Variants in C8orf34 observed in about 807,000 individuals in gnomAD.
C8orf34 encodes the protein chromosome 8 open reading frame 34.
C8orf34 carries 65 observed loss-of-function variants against 68.3 expected under a neutral mutation model. The observed-to-expected ratio is 0.95, with a 90% confidence interval of 0.78 to 1.17. The LOEUF (loss-of-function observed/expected upper bound fraction) is 1.17, where lower values mean the gene tolerates loss of function less well. C8orf34 is among the 50% of genes most tolerant of loss of function. The probability of loss-of-function intolerance (pLI) is 0.00; values close to 1 mark genes in which losing one functional copy is unlikely to be tolerated. For synonymous variants in C8orf34, 244 were observed against 241.2 expected (o/e 1.01, Z -0.11); for missense variants, 664 against 655.4 (o/e 1.01, Z -0.14).
intron 1 of C8orf34, among the ~76,000 whole-genome samples, chr8:68,400,783 T>C (rs1334566200): frequency 6.6e-6 from 1 of 152,170 alleles, no homozygotes; most frequent in African/African-American, 2.4e-5. Flanking sequence ...CCTTGCAACA[T>C]AATTTGAAGT....
intron 12 of C8orf34, among the ~76,000 whole-genome samples, chr8:68,796,421 A>G (rs1460650452): frequency 6.6e-6 from 1 of 152,186 alleles, no homozygotes; most frequent in Non-Finnish European, 1.5e-5. Context: ...GAGGAATGGA[A>G]GTATGATATT....
chr8:68,484,681 A>G (rs1287119462), intron 4 of C8orf34, among the ~76,000 whole-genome samples: 1 of 152,184 alleles, frequency 6.6e-6, no homozygotes, highest in Admixed American at 6.5e-5. Flanking sequence ...ACACTGGGAG[A>G]GATATCCTGG....
At chr8:68,571,478 A>T (rs1816756688) in intron 7 of C8orf34, among the ~76,000 whole-genome samples, 2 of 152,174 alleles carry the variant, frequency 1.3e-5, no homozygotes, top group Admixed American at 1.3e-4. Flanking sequence ...CATTCCTTTC[A>T]TCCAAAAATA....
rs113971584 is a variant in C8orf34 at position 68,376,610 on chromosome 8, C to CTTT, written c.327+45281_327+45283dup. ...CTTTTATGTTCTGTGCATCTTTCTC[C>CTTT]TTTTTTTTTTTTAAATCATTTTACT... On this transcript the variant is annotated intron_variant, in intron 1 of 13. Transcript: ENST00000518698. Among the ~76,000 whole-genome samples the CTTT allele has an allele frequency of 6.0e-4, 88 of 145,566 alleles. 1 individual carries two copies. The highest frequency in any genetic ancestry group is 2.2e-3 in the African/African-American group (87 of 39,936).
chr8:68,562,423 G>A (rs139868136), intron 7 of C8orf34, among the ~76,000 whole-genome samples: 1 of 152,270 alleles, frequency 6.6e-6, no homozygotes, highest in East Asian at 1.9e-4. Context: ...TCAGCATTGA[G>A]CAAATCATTT....
intron 7 of C8orf34, among the ~76,000 whole-genome samples, chr8:68,545,172 C>T (rs1048130805): frequency 6.6e-6 from 1 of 152,018 alleles, no homozygotes; most frequent in Non-Finnish European, 1.5e-5. Context: ...TAATTGAATC[C>T]TGGGGGCGGT....
At chr8:68,724,041 A>G (rs1821757267) in intron 10 of C8orf34, among the ~76,000 whole-genome samples, 1 of 152,208 alleles carries the variant, frequency 6.6e-6, no homozygotes, top group Non-Finnish European at 1.5e-5. Context: ...GTGGAATAAA[A>G]CAATACATGA....
At chr8:68,546,052 A>G (rs1025560882) in intron 7 of C8orf34, among the ~76,000 whole-genome samples, 9 of 152,074 alleles carry the variant, frequency 5.9e-5, no homozygotes, top group African/African-American at 2.2e-4. Context: ...TTTAATTCCA[A>G]GAGCAGTCAC....
chr8:68,362,385 G>C (rs2129619413), intron 1 of C8orf34, among the ~76,000 whole-genome samples: 1 of 152,254 alleles, frequency 6.6e-6, no homozygotes, highest in African/African-American at 2.4e-5. Context: ...AATGAAAAAA[G>C]TACATCGATT....
At chr8:68,673,820 C>A (rs777303574) in intron 8 of C8orf34, among the ~76,000 whole-genome samples, 4 of 152,152 alleles carry the variant, frequency 2.6e-5, no homozygotes, top group Non-Finnish European at 4.4e-5. Context: ...AACCCTGGGC[C>A]TTGGGCAAGA....
chr8:68,387,570 T>C (rs1285500899), intron 1 of C8orf34, among the ~76,000 whole-genome samples: 1 of 152,096 alleles, frequency 6.6e-6, no homozygotes. Flanking sequence ...GAGAGGATGA[T>C]AGAGTCATGA....
intron 9 of C8orf34, among the ~76,000 whole-genome samples, chr8:68,719,947 G>A (rs1393983837): frequency 6.6e-6 from 1 of 151,806 alleles, no homozygotes; most frequent in African/African-American, 2.4e-5. Context: ...CAGTTTTGGA[G>A]GACTTAAATT....
At chr8:68,816,373 G>C (rs1020614491) in intron 13 of C8orf34, among the ~76,000 whole-genome samples, 9 of 152,046 alleles carry the variant, frequency 5.9e-5, no homozygotes, top group African/African-American at 2.2e-4. Context: ...ACAATTTCGT[G>C]TCCATGAATA....
Position 68,373,452 on chromosome 8 carries a change from T to G in C8orf34, c.327+42113T>G, listed in dbSNP as rs141299004. 2.1e-3 allele frequency among the ~76,000 whole-genome samples: 317 copies of G among 152,296 alleles called. 1 individual carries two copies. Among genetic ancestry groups the G allele is most frequent in the African/African-American group, 7.2e-3 (300 of 41,560 alleles). On this transcript the variant is annotated intron_variant, in intron 1 of 13. Transcript: ENST00000518698. ...TCTCTTTCTCTTATATCGGCTACTG[T>G]GGAAATGATGATTGAACCGGTTTGT...
At chr8:68,459,435 G>C (rs1170985844) in intron 3 of C8orf34, among the ~76,000 whole-genome samples, 2 of 152,036 alleles carry the variant, frequency 1.3e-5, no homozygotes, top group Non-Finnish European at 2.9e-5. Flanking sequence ...GTTTCTCCAT[G>C]TTGGCCAGGC....
chr8:68,461,579 T>C (rs183100802), intron 3 of C8orf34, among the ~76,000 whole-genome samples: 29 of 152,308 alleles, frequency 1.9e-4, no homozygotes, highest in African/African-American at 7.0e-4. Flanking sequence ...CCCATCAGAC[T>C]AAGAGCGGAT....
rs554650564 is a variant in C8orf34 at position 68,352,163 on chromosome 8, A to C, written c.327+20824A>C. 1.2e-4 allele frequency among the ~76,000 whole-genome samples: 19 copies of C among 152,132 alleles called. No homozygotes were observed. The South Asian group carries it at 3.9e-3, about 32-fold the overall frequency. Reference sequence around the variant, plus strand: ...GTGGCTTGGCTATTCATTCTCTTGAATATTCTACCAAACATTTAAGAATAA... The same window carrying C: ...GTGGCTTGGCTATTCATTCTCTTGACTATTCTACCAAACATTTAAGAATAA... On this transcript the variant is annotated intron_variant, in intron 1 of 13. Transcript: ENST00000518698.
At chr8:68,497,671 A>G (rs772761491) in intron 5 of C8orf34, among the ~76,000 whole-genome samples, 1 of 152,216 alleles carries the variant, frequency 6.6e-6, no homozygotes, top group Non-Finnish European at 1.5e-5. Context: ...AGTACTATAC[A>G]GCTATACAAA....
At chr8:68,779,560 G>A (rs2129528719) in intron 11 of C8orf34, among the ~76,000 whole-genome samples, 1 of 152,230 alleles carries the variant, frequency 6.6e-6, no homozygotes, top group East Asian at 1.9e-4. Context: ...TTTGCCAGAT[G>A]TGCCATCTGA....
Sources: gnomAD v4.1 joint callset for allele counts (sites outside exome capture counted in the v4.1 genomes callset) on GRCh38, gnomAD v4.1.1 for gene constraint, MANE v1.5 for transcripts, NCBI Gene and HGNC (gene_info 2026-07-23, HGNC 2026-07-21) for gene names.